TMEM185A: variants seen among roughly 807,000 people sequenced by gnomAD.
The protein encoded by TMEM185A is transmembrane protein 185A.
Under a neutral mutation model 25.0 loss-of-function variants are expected in TMEM185A, and 9 were observed. That is an observed-to-expected ratio of 0.36 (90% CI 0.22 to 0.63). The LOEUF (loss-of-function observed/expected upper bound fraction) is 0.63, where lower values mean the gene tolerates loss of function less well. TMEM185A is among the 20% of genes least tolerant of loss of function. TMEM185A has a pLI of 0.68. For missense variants in TMEM185A, 103 were observed against 237.4 expected (o/e 0.43, Z 3.72); for synonymous variants, 45 against 93.5 (o/e 0.48, Z 2.99).
chrX:149,618,161 A>T (rs1296840481), intron 1 of TMEM185A, among the ~76,000 whole-genome samples: 2 of 112,239 alleles, frequency 1.8e-5, no homozygotes, highest in East Asian at 5.6e-4. Context: ...GCATCTGTAT[A>T]AATATCTGCT....
chrX:149,607,651 G>A lies in TMEM185A; in HGVS notation c.423+976C>T, dbSNP rs1233081785. 3.6e-5 allele frequency among the ~76,000 whole-genome samples: 4 copies of A among 112,323 alleles called. No homozygotes were observed. The East Asian group carries it at 1.1e-3, about 31-fold the overall frequency. On this transcript the variant is annotated intron_variant, in intron 3 of 6. Transcript: ENST00000600449. ...ATATCCTCTATGCTTAGGGAAAAAG[G>A]GCTTGGCATCTAGTAAATACTTGAT...
At chrX:149,627,157 G>C (rs939185178) in intron 1 of TMEM185A, among the ~76,000 whole-genome samples, 2 of 112,242 alleles carry the variant, frequency 1.8e-5, no homozygotes, top group East Asian at 2.8e-4. Context: ...CTGTCTCAGT[G>C]GGGGGAAACC....
chrX:149,631,654 G>C lies in TMEM185A; in HGVS notation c.-74C>G. On this transcript the variant is annotated 5_prime_UTR_variant, in exon 1 of 7. Transcript: ENST00000600449. ...TGCTGCACAGCCTGCGCCTTACAGC[G>C]GGTTCATGGCGCCAGCGCCAGCCGC... 2.0e-6 allele frequency: 2 copies of C among 1,001,482 alleles called. No homozygotes were observed. Among genetic ancestry groups the C allele is most frequent in the Non-Finnish European group, 2.7e-6 (2 of 751,127 alleles). 82.5% of individuals were successfully genotyped at this position (1,001,482 alleles called of 1,213,427 possible).
chrX:149,616,176 C>T (rs782663823), intron 1 of TMEM185A, among the ~76,000 whole-genome samples: 1 of 112,302 alleles, frequency 8.9e-6, no homozygotes, highest in South Asian at 3.7e-4. Context: ...CAGTTCATAA[C>T]TGCCAAGAAA....
At chrX:149,629,233 T>A (rs1405112298) in intron 1 of TMEM185A, among the ~76,000 whole-genome samples, 1 of 111,420 alleles carries the variant, frequency 9.0e-6, no homozygotes, top group African/African-American at 3.3e-5. Context: ...ACATTCCTGG[T>A]AAAGAGAACA....
chrX:149,606,857 A>G (rs782221054), intron 3 of TMEM185A: 2 of 112,541 alleles, frequency 1.8e-5, no homozygotes, highest in African/African-American at 3.2e-5. Flanking sequence ...TTCAGGCCCA[A>G]TGCAGTCCTA....
chrX:149,607,931 A>C (rs897074439), intron 3 of TMEM185A, among the ~76,000 whole-genome samples: 1 of 112,110 alleles, frequency 8.9e-6, no homozygotes, highest in Non-Finnish European at 1.9e-5. Flanking sequence ...AGGCCTTAAA[A>C]GCAAAAACTG....
intron 4 of TMEM185A, among the ~76,000 whole-genome samples, chrX:149,603,429 G>A (rs782389268): frequency 4.5e-5 from 5 of 111,264 alleles, no homozygotes; most frequent in African/African-American, 1.6e-4. Flanking sequence ...GCCTGGCCAG[G>A]TATGGCTTTT....
At chrX:149,606,803 G>C (rs1424862801) in intron 3 of TMEM185A, 1 of 112,572 alleles carries the variant, frequency 8.9e-6, no homozygotes, top group Non-Finnish European at 1.9e-5. Context: ...TCCAAGGGCA[G>C]GAATGCCTAG....
chrX:149,628,003 G>A (rs1462568824), intron 1 of TMEM185A, among the ~76,000 whole-genome samples: 1 of 112,031 alleles, frequency 8.9e-6, no homozygotes, highest in East Asian at 2.8e-4. Flanking sequence ...TCTGAAGATG[G>A]AGCATACAGA....
At position 149,597,229 on chromosome X, in the gene TMEM185A, G is replaced by GC. The variant is rs2089996307; in HGVS notation, c.*781_*782insG. 1 of 81,906 alleles carries GC rather than the reference G, an allele frequency of 1.2e-5. No homozygotes were observed. The highest frequency in any genetic ancestry group is 4.1e-5 in the African/African-American group (1 of 24,592). The allele number at this position is 81,906 out of a possible 1,213,427, so 6.7% of individuals were successfully genotyped here. A position where few individuals can be genotyped will look rare whatever the true frequency, so the allele number is the denominator to read the frequency against. On this transcript the variant is annotated 3_prime_UTR_variant, in exon 7 of 7. Transcript: ENST00000600449. The stretch of plus-strand genomic sequence containing the variant: ...AAGGCGTGGCACCCCACGGGGGGGG[G>GC]GGGAGTGTGCCACGGGCGTCCACTT...
At chrX:149,603,544 CA>C (rs1201159913) in intron 4 of TMEM185A, among the ~76,000 whole-genome samples, 1 of 111,535 alleles carries the variant, frequency 9.0e-6, no homozygotes, top group Non-Finnish European at 1.9e-5. Context: ...AGAAAACAAC[CA>C]AAAAACAAAA....
At chrX:149,602,435 T>C (rs1284340954) in intron 4 of TMEM185A, among the ~76,000 whole-genome samples, 2 of 112,652 alleles carry the variant, frequency 1.8e-5, no homozygotes, top group East Asian at 2.8e-4. Flanking sequence ...TGACCAGTTC[T>C]TGATTGTAGG....
chrX:149,619,575 A>T (rs1232302349), intron 1 of TMEM185A, among the ~76,000 whole-genome samples: 1 of 109,334 alleles, frequency 9.1e-6, no homozygotes, highest in Non-Finnish European at 1.9e-5. Context: ...ATATGTATAC[A>T]TGTGCCATGC....
chrX:149,614,396 T>C (rs1448206662), intron 1 of TMEM185A, among the ~76,000 whole-genome samples: 1 of 111,814 alleles, frequency 8.9e-6, no homozygotes, highest in African/African-American at 3.2e-5. Flanking sequence ...ATACCAAAAT[T>C]TGTGAGATAC....
intron 2 of TMEM185A, among the ~76,000 whole-genome samples, chrX:149,610,642 A>G (rs1431458946): frequency 9.1e-6 from 1 of 110,433 alleles, no homozygotes; most frequent in Non-Finnish European, 1.9e-5. Context: ...TCCCAGCAAC[A>G]AGCAGGTTGC....
At chrX:149,613,078 T>C (rs1048990510) in intron 1 of TMEM185A, among the ~76,000 whole-genome samples, 2 of 112,082 alleles carry the variant, frequency 1.8e-5, no homozygotes, top group Non-Finnish European at 3.8e-5. Context: ...TTAAGGTCCA[T>C]AACTGTGGTT....
chrX:149,629,563 G>A (rs1363530873), intron 1 of TMEM185A, among the ~76,000 whole-genome samples: 1 of 112,300 alleles, frequency 8.9e-6, no homozygotes, highest in Non-Finnish European at 1.9e-5. Context: ...TGGCAACAAT[G>A]AATCAGGAAA....
intron 3 of TMEM185A, 46 bp from the exon 4 acceptor site, chrX:149,604,116 T>A (rs1175711868): frequency 1.1e-6 from 1 of 915,999 alleles, no homozygotes; most frequent in Non-Finnish European, 1.6e-6. Flanking sequence ...TAATTTGCAT[T>A]TAATACTGCA....
Sources: gnomAD v4.1 joint callset for allele counts (sites outside exome capture counted in the v4.1 genomes callset) on GRCh38, gnomAD v4.1.1 for gene constraint, MANE v1.5 for transcripts, NCBI Gene and HGNC (gene_info 2026-07-23, HGNC 2026-07-21) for gene names.